GRID1: variants seen among roughly 807,000 people sequenced by gnomAD.
The protein encoded by GRID1 is glutamate receptor ionotropic, delta-1.
A neutral mutation model predicts 98.0 loss-of-function variants in GRID1; 28 were observed. The observed-to-expected ratio is 0.29, with a 90% CI of 0.21 to 0.39. The LOEUF (loss-of-function observed/expected upper bound fraction) is 0.39. GRID1 is among the 10% of genes least tolerant of loss of function. The probability of loss-of-function intolerance (pLI) is 1.00; values close to 1 mark genes in which losing one functional copy is unlikely to be tolerated. For synonymous variants in GRID1, 553 were observed against 538.5 expected, an observed-to-expected ratio of 1.03 and a Z score of -0.37; for missense variants, 1,111 against 1,340.5, an observed-to-expected ratio of 0.83 and a Z score of 2.67.
chr10:85,865,254 A>C (rs1171766884), intron 6 of GRID1, among the ~76,000 whole-genome samples: 1 of 152,228 alleles, frequency 6.6e-6, no homozygotes, highest in Non-Finnish European at 1.5e-5. Flanking sequence ...CTTTTGGAGC[A>C]CTAGGGGTCA....
intron 3 of GRID1, among the ~76,000 whole-genome samples, chr10:86,153,612 C>T (rs1845201057): frequency 6.6e-6 from 1 of 152,132 alleles, no homozygotes; most frequent in Non-Finnish European, 1.5e-5. Context: ...TCAGCAGAGG[C>T]CAGGAGCTCT....
chr10:86,262,273 T>C (rs1384168767), intron 2 of GRID1, among the ~76,000 whole-genome samples: 2 of 152,214 alleles, frequency 1.3e-5, no homozygotes, highest in African/African-American at 4.8e-5. Context: ...AGGCAATGGC[T>C]GTCTTTAAGT....
intron 2 of GRID1, among the ~76,000 whole-genome samples, chr10:86,292,690 GGTGAGT>G (rs1164368007): frequency 6.6e-6 from 1 of 152,056 alleles, no homozygotes; most frequent in Non-Finnish European, 1.5e-5. Flanking sequence ...TGCAAGTGTG[GGTGAGT>G]GTGAGTGTGG....
chr10:86,317,978 C>G (rs896183951), intron 2 of GRID1, among the ~76,000 whole-genome samples: 4 of 152,154 alleles, frequency 2.6e-5, no homozygotes, highest in Non-Finnish European at 5.9e-5. Context: ...TGGCCTCAAG[C>G]AATCCTCCCA....
intron 12 of GRID1, among the ~76,000 whole-genome samples, chr10:85,651,087 G>A (rs529016806): frequency 2.0e-4 from 30 of 152,286 alleles, no homozygotes; most frequent in Middle Eastern, 3.4e-3. Flanking sequence ...AACCCTCCAG[G>A]TGATTCTGAT....
intron 4 of GRID1, among the ~76,000 whole-genome samples, chr10:86,119,766 C>CA (rs751706502): frequency 1.3e-5 from 2 of 151,992 alleles, no homozygotes; most frequent in African/African-American, 2.4e-5. Context: ...ATTTATGCTG[C>CA]AATGGTTCCC....
At chr10:85,768,784 G>A (rs1313101185) in intron 8 of GRID1, among the ~76,000 whole-genome samples, 1 of 152,220 alleles carries the variant, frequency 6.6e-6, no homozygotes, top group Non-Finnish European at 1.5e-5. Flanking sequence ...ATGCATTGTT[G>A]ACAGATATAG....
chr10:86,178,099 A>G (rs1845603109), intron 3 of GRID1, among the ~76,000 whole-genome samples: 1 of 152,174 alleles, frequency 6.6e-6, no homozygotes, highest in Non-Finnish European at 1.5e-5. Flanking sequence ...TTCAGAAATC[A>G]GCTCCACTCC....
Position 85,647,228 on chromosome 10 carries a change from A to T in GRID1, c.2167T>A (p.Ser723Thr). Residue 723 changes from serine to threonine, a missense_variant, in exon 13 of 16, where the codon TCC becomes ACC. Ser to Thr is a moderately conservative substitution (Grantham distance 58). This residue lies in a region of GRID1 where 762 missense variants were observed against 869.1 expected (regional missense o/e 0.88). Coordinates refer to ENST00000327946, the MANE Select transcript of GRID1 (RefSeq NM_017551.3). ...TTCCTGATGCCTTCTGAAGGACTGGACACGCAGTTGTCAGCCCCTCCGTTC... is the reference window on the plus strand; with the variant it reads ...TTCCTGATGCCTTCTGAAGGACTGGTCACGCAGTTGTCAGCCCCTCCGTTC... The part of the protein sequence containing the change: ...SKNGGADNCV[S>T]SPSEGIRKAK... 1 of 1,614,176 alleles carries T rather than the reference A, an allele frequency of 6.2e-7. No homozygotes were observed. The highest frequency in any genetic ancestry group is 8.5e-7 in the Non-Finnish European group (1 of 1,180,008).
At chr10:86,203,349 C>T (rs1282084031) in intron 3 of GRID1, among the ~76,000 whole-genome samples, 1 of 152,012 alleles carries the variant, frequency 6.6e-6, no homozygotes, top group Non-Finnish European at 1.5e-5. Flanking sequence ...AGGAGTGACA[C>T]TGGGACAGGC....
At chr10:85,728,155 T>C in intron 9 of GRID1, 103 bp from the exon 10 acceptor site, 6 of 893,258 alleles carry the variant, frequency 6.7e-6, no homozygotes, top group Non-Finnish European at 1.1e-5. Flanking sequence ...ACATTTGCAG[T>C]TCCCCAATTT....
chr10:85,997,514 C>A (rs1018525141), intron 4 of GRID1, among the ~76,000 whole-genome samples: 1 of 151,978 alleles, frequency 6.6e-6, no homozygotes, highest in African/African-American at 2.4e-5. Context: ...ATTCTCAGTA[C>A]ACTATAAAAA....
At chr10:86,324,177 CAA>C (rs111601272) in intron 2 of GRID1, among the ~76,000 whole-genome samples, 1 of 139,664 alleles carries the variant, frequency 7.2e-6, no homozygotes, top group African/African-American at 2.6e-5. Context: ...AGACTCATCT[CAA>C]AAAAAAAAAA....
chr10:85,687,714 G>C (rs555218581), intron 12 of GRID1, among the ~76,000 whole-genome samples: 8 of 152,132 alleles, frequency 5.3e-5, no homozygotes, highest in Non-Finnish European at 1.2e-4. Flanking sequence ...CAGAAACAGA[G>C]AGTATGAGAC....
At chr10:86,094,488 A>G (rs935362485) in intron 4 of GRID1, among the ~76,000 whole-genome samples, 1 of 152,228 alleles carries the variant, frequency 6.6e-6, no homozygotes, top group Non-Finnish European at 1.5e-5. Context: ...TGATAAAAGA[A>G]TTGAGCAAAG....
intron 12 of GRID1, among the ~76,000 whole-genome samples, chr10:85,686,466 A>G (rs74989572): frequency 0.033 from 4,960 of 152,326 alleles, 126 homozygotes; most frequent in Middle Eastern, 0.048. Flanking sequence ...TGGTGAATAG[A>G]TAAACATGAT....
intron 4 of GRID1, among the ~76,000 whole-genome samples, chr10:86,099,384 AGTTCAGAG>A (rs1844263200): frequency 6.6e-6 from 1 of 152,244 alleles, no homozygotes; most frequent in African/African-American, 2.4e-5. Flanking sequence ...AGAGACCAGT[AGTTCAGAG>A]TCTGGCAGAG....
intron 4 of GRID1, among the ~76,000 whole-genome samples, chr10:86,042,176 C>A (rs1843356185): frequency 1.3e-5 from 2 of 152,234 alleles, no homozygotes; most frequent in Admixed American, 1.3e-4. Context: ...TTCATCCAGT[C>A]CTTAAAGCCA....
At chr10:86,114,022 A>G (rs1338371065) in intron 4 of GRID1, among the ~76,000 whole-genome samples, 1 of 151,840 alleles carries the variant, frequency 6.6e-6, no homozygotes, top group Non-Finnish European at 1.5e-5. Flanking sequence ...TGGAGAGATG[A>G]GCATCCTTCT....
Sources: allele counts gnomAD v4.1 joint callset (sites outside exome capture counted in the v4.1 genomes callset), GRCh38; gene constraint gnomAD v4.1.1; regional missense constraint gnomAD v4.1.1; transcripts MANE v1.5; gene names NCBI Gene and HGNC (gene_info 2026-07-23, HGNC 2026-07-21).